Variants in RARA observed in about 807,000 individuals in gnomAD.
The protein encoded by RARA is PML-DDX5-RARA fusion.
Under a neutral mutation model 42.8 loss-of-function variants are expected in RARA, and 5 were observed. The observed-to-expected ratio is 0.12, with a 90% confidence interval of 0.06 to 0.25. The LOEUF (loss-of-function observed/expected upper bound fraction) is 0.25. Ranked by LOEUF, RARA falls within the 10% of genes least tolerant of loss-of-function variation. The pLI, the probability that RARA is intolerant of heterozygous loss-of-function variation, is 1.00. For synonymous variants in RARA, 256 were observed against 259.5 expected, an observed-to-expected ratio of 0.99 and a Z score of 0.13; for missense variants, 402 against 628.7, an observed-to-expected ratio of 0.64 and a Z score of 3.86.
At position 40,356,361 on chromosome 17, in the gene RARA, C is replaced by G. The variant is rs545072314; in HGVS notation, c.*135C>G. ...AGTACTGGGGACCTTCCCTGGGGGACGGGGAGGGAGGAGGCAGCGACTCCT... is the reference window on the plus strand; with the variant it reads ...AGTACTGGGGACCTTCCCTGGGGGAGGGGGAGGGAGGAGGCAGCGACTCCT... On this transcript the variant is annotated 3_prime_UTR_variant, in exon 9 of 9. Transcript: ENST00000254066. The G allele has an allele frequency of 9.9e-7, 1 of 1,010,372 alleles. No individual in the cohort carries two copies. Among genetic ancestry groups the G allele is most frequent in the African/African-American group, 1.6e-5 (1 of 62,962 alleles). 62.6% of individuals were successfully genotyped at this position (1,010,372 alleles called of 1,614,324 possible). A position where few individuals can be genotyped will look rare whatever the true frequency, so the allele number is the denominator to read the frequency against.
At chr17:40,353,308 A>G (rs1184633556) in intron 6 of RARA, among the ~76,000 whole-genome samples, 2 of 152,040 alleles carry the variant, frequency 1.3e-5, no homozygotes, top group Non-Finnish European at 2.9e-5. Context: ...GGGGGCAGGA[A>G]GAGGTGGTGG....
In RARA at chr17:40,351,891, C is replaced by A; in HGVS notation, c.470-19C>A. 6.2e-7 allele frequency: 1 copy of A among 1,602,382 alleles called. No individual in the cohort carries two copies. The highest frequency in any genetic ancestry group is 8.5e-7 in the Non-Finnish European group (1 of 1,176,978). On this transcript the variant is annotated intron_variant, in intron 4 of 8. Transcript: ENST00000254066. The surrounding 1 kb of genome is among the most constrained non-coding windows in gnomAD (Gnocchi z 4.1). ...GAGCAGCCTGCAGCTGCCCTCTTAA[C>A]CCCCTCTGCCCTCCACAGCTGTGAG...
intron 1 of RARA, among the ~76,000 whole-genome samples, chr17:40,314,600 C>A (rs539204313): frequency 6.6e-6 from 1 of 151,260 alleles, no homozygotes; most frequent in Non-Finnish European, 1.5e-5. Flanking sequence ...GGGGCTGGCA[C>A]AGACATTGCT....
intron 2 of RARA, among the ~76,000 whole-genome samples, chr17:40,339,989 C>G (rs1456852233): frequency 1.3e-5 from 2 of 152,198 alleles, no homozygotes; most frequent in Admixed American, 1.3e-4. Context: ...GCCCTGACTG[C>G]ACTTCAGGGC....
rs1227991065 is a variant in RARA at position 40,355,948 on chromosome 17, T to G, written c.1172-61T>G. 2 of 1,452,570 alleles carry G rather than the reference T, an allele frequency of 1.4e-6. No homozygotes were observed. The highest frequency in any genetic ancestry group is 9.3e-7 in the Non-Finnish European group (1 of 1,072,670). 90.0% of individuals were successfully genotyped at this position (1,452,570 alleles called of 1,614,324 possible). Reference sequence around the variant, plus strand: ...TCTTCCCACCTCGAGCCAGGCTTGCTGGGGCTGGGGGTGGGAGGGCTGGCC... The same window carrying G: ...TCTTCCCACCTCGAGCCAGGCTTGCGGGGGCTGGGGGTGGGAGGGCTGGCC... On this transcript the variant is annotated intron_variant, in intron 8 of 8. Coordinates refer to ENST00000254066, the MANE Select transcript of RARA (RefSeq NM_000964.4). This position sits in a 1 kb window ranked among gnomAD's most constrained non-coding sequence, Gnocchi z 4.1.
chr17:40,355,337 G>A lies in RARA; in HGVS notation c.1087G>A (p.Val363Met), dbSNP rs1290171091. ...GCTGCTGGAGGCGCTAAAGGTCTAC[G>A]TGCGGAAGCGGAGGCCCAGCCGCCC... ...EPLLEALKVY[V>M]RKRRPSRPHM... Residue 363 changes from valine to methionine, a missense_variant, in exon 8 of 9, where the codon GTG (valine) becomes ATG (methionine). Around this residue, in one of 5 missense-constraint regions of RARA, gnomAD observed 104 missense variants for 160.1 expected, o/e 0.65. Transcript: ENST00000254066. The surrounding 1 kb of genome is among the most constrained non-coding windows in gnomAD (Gnocchi z 4.1). 1 of 1,612,870 alleles carries A rather than the reference G, an allele frequency of 6.2e-7. No individual in the cohort carries two copies. Among genetic ancestry groups the A allele is most frequent in the Non-Finnish European group, 8.5e-7 (1 of 1,179,542 alleles).
chr17:40,339,767 A>C (rs538411153), intron 2 of RARA, among the ~76,000 whole-genome samples: 1 of 152,304 alleles, frequency 6.6e-6, no homozygotes, highest in East Asian at 1.9e-4. Context: ...CATGAGCTGT[A>C]ACCATTTGGG....
chr17:40,327,355 C>T (rs2033575812), intron 1 of RARA, among the ~76,000 whole-genome samples: 1 of 152,212 alleles, frequency 6.6e-6, no homozygotes, highest in Non-Finnish European at 1.5e-5. Context: ...TTTGGGTTAG[C>T]TGCCCCTTGG....
chr17:40,314,010 A>G (rs2143156419), intron 1 of RARA, among the ~76,000 whole-genome samples: 1 of 152,196 alleles, frequency 6.6e-6, no homozygotes, highest in East Asian at 1.9e-4. Flanking sequence ...CACAGGAATT[A>G]TTCTTTCTGT....
chr17:40,326,604 C>T lies in RARA; in HGVS notation c.-362-4253C>T, dbSNP rs569875333. The T allele has an allele frequency of 6.6e-6, 1 of 152,268 alleles. No homozygotes were observed. Among genetic ancestry groups the T allele is most frequent in the African/African-American group, 2.4e-5 (1 of 41,410 alleles). The allele number at this position is 152,268 out of a possible 1,614,324, so 9.4% of individuals were successfully genotyped here. A position where few individuals can be genotyped will look rare whatever the true frequency, so the allele number is the denominator to read the frequency against. On this transcript the variant is annotated intron_variant, in intron 1 of 8. Coordinates refer to ENST00000254066, the MANE Select transcript of RARA (RefSeq NM_000964.4). This position sits in a 1 kb window ranked among gnomAD's most constrained non-coding sequence, Gnocchi z 5.2. Reference sequence around the variant, plus strand: ...GTGGGGCTGGTTGCAGGTGCTCTAGCCCCCTACCCCTTTTTCTGCTGTGCT... The same window carrying T: ...GTGGGGCTGGTTGCAGGTGCTCTAGTCCCCTACCCCTTTTTCTGCTGTGCT...
At chr17:40,321,049 C>T (rs1438865479) in intron 1 of RARA, among the ~76,000 whole-genome samples, 4 of 152,116 alleles carry the variant, frequency 2.6e-5, no homozygotes, top group South Asian at 2.1e-4. Context: ...TCCCTCTACT[C>T]CCCTCTCCAC....
In RARA at chr17:40,351,942, G is replaced by A. The variant is rs2143497127; in HGVS notation, c.502G>A (p.Glu168Lys). ...VRNDRNKKKK[E>K]VPKPECSESY... Reference sequence around the variant, plus strand: ...AAACGACCGAAACAAGAAGAAGAAGGAGGTGCCCAAGCCCGAGTGCTCTGA... The same window carrying A: ...AAACGACCGAAACAAGAAGAAGAAGAAGGTGCCCAAGCCCGAGTGCTCTGA... Residue 168 changes from glutamate to lysine, a missense_variant, in exon 5 of 9, where the codon GAG (glutamate) becomes AAG (lysine). By Grantham distance (56) the Glu-to-Lys change is moderately conservative. This residue lies in a region of RARA where 130 missense variants were observed against 267.9 expected (regional missense o/e 0.49). Coordinates refer to ENST00000254066, the MANE Select transcript of RARA (RefSeq NM_000964.4). The surrounding 1 kb of genome is among the most constrained non-coding windows in gnomAD (Gnocchi z 4.1). 2 of 1,612,520 alleles carry A rather than the reference G, an allele frequency of 1.2e-6. No individual in the cohort carries two copies. The highest frequency in any genetic ancestry group is 1.7e-6 in the Non-Finnish European group (2 of 1,179,502).
chr17:40,324,449 T>TC (rs2033481311), intron 1 of RARA, among the ~76,000 whole-genome samples: 1 of 152,074 alleles, frequency 6.6e-6, no homozygotes, highest in Non-Finnish European at 1.5e-5. Context: ...CCTGACCATG[T>TC]CCCCCGGGGG....
In RARA at chr17:40,328,076, G is replaced by A. The variant is rs78275281; in HGVS notation, c.-362-2781G>A. Among the ~76,000 whole-genome samples, 1,295 of 152,202 alleles carry A rather than the reference G, an allele frequency of 8.5e-3. 7 individuals are homozygous for A. The highest frequency in any genetic ancestry group is 0.014 in the Middle Eastern group (4 of 294). Reference sequence around the variant, plus strand: ...TAGCAAGGTCCAGATTTTACTCCTGGGGCAGCCTCCCCTCCCTAGCCCAGT... The same window carrying A: ...TAGCAAGGTCCAGATTTTACTCCTGAGGCAGCCTCCCCTCCCTAGCCCAGT... On this transcript the variant is annotated intron_variant, in intron 1 of 8. Coordinates refer to ENST00000254066, the MANE Select transcript of RARA (RefSeq NM_000964.4).
At chr17:40,324,891 C>T (rs1270861417) in intron 1 of RARA, among the ~76,000 whole-genome samples, 3 of 152,158 alleles carry the variant, frequency 2.0e-5, no homozygotes, top group East Asian at 3.8e-4. Context: ...GGAAGAGGCA[C>T]CCTCCAGCTA....
intron 3 of RARA, 60 bp downstream of exon 3, chr17:40,348,524 T>C: frequency 6.4e-7 from 1 of 1,568,310 alleles, no homozygotes; most frequent in Non-Finnish European, 8.6e-7. Flanking sequence ...TGTCCCCACT[T>C]CTGTGTCCTG....
chr17:40,346,552 T>C (rs1048509150), intron 2 of RARA, among the ~76,000 whole-genome samples: 2 of 150,796 alleles, frequency 1.3e-5, no homozygotes, highest in African/African-American at 4.9e-5. Context: ...TTGTTACTGC[T>C]TTTACGTCTT....
chr17:40,348,598 C>A, intron 3 of RARA, 134 bp downstream of exon 3: 1 of 1,167,932 alleles, frequency 8.6e-7, no homozygotes, highest in Non-Finnish European at 1.2e-6. Context: ...AAGTTGGCAG[C>A]AAGCAGGGAC....
chr17:40,322,065 C>T (rs1249593735), intron 1 of RARA, among the ~76,000 whole-genome samples: 2 of 151,850 alleles, frequency 1.3e-5, no homozygotes, highest in Non-Finnish European at 2.9e-5. Flanking sequence ...GTTTTAATTG[C>T]CTAAAAACTG....
Sources: gnomAD v4.1 joint callset for allele counts (sites outside exome capture counted in the v4.1 genomes callset) on GRCh38, gnomAD v4.1.1 for gene constraint, gnomAD v4.1.1 regional missense constraint, Gnocchi (gnomAD v3.1) non-coding constraint, MANE v1.5 for transcripts, NCBI Gene and HGNC (gene_info 2026-07-23, HGNC 2026-07-21) for gene names.